Variants in LAYN observed in about 807,000 individuals in gnomAD.
LAYN encodes layilin.
In LAYN, 38 loss-of-function variants were observed where a neutral mutation model predicts 43.6. The ratio of observed to expected loss-of-function variants is 0.87; its 90% confidence interval spans 0.67 to 1.14. The LOEUF is 1.14. LAYN is among the 50% of genes most tolerant of loss of function. The pLI, the probability that LAYN is intolerant of heterozygous loss-of-function variation, is 0.00. For synonymous variants in LAYN, 168 were observed against 172.9 expected, an observed-to-expected ratio of 0.97 and a Z score of 0.22; for missense variants, 479 against 463.8, an observed-to-expected ratio of 1.03 and a Z score of -0.30.
chr11:111,549,891 C>A, intron 3 of LAYN, 116 bp downstream of exon 3: 2 of 1,086,486 alleles, frequency 1.8e-6, no homozygotes, highest in Non-Finnish European at 2.6e-6. Context: ...TTGCAAATGC[C>A]AGCAACATAA....
chr11:111,551,680 C>T (rs1867746016), intron 3 of LAYN, among the ~76,000 whole-genome samples: 1 of 152,124 alleles, frequency 6.6e-6, no homozygotes, highest in Non-Finnish European at 1.5e-5. Context: ...CCTTTCCCAG[C>T]CAACTCATTC....
At position 111,544,114 on chromosome 11, in the gene LAYN, G is replaced by A. The variant is rs1867601159; in HGVS notation, c.277G>A (p.Asp93Asn). 3.7e-6 allele frequency: 6 copies of A among 1,614,212 alleles called. No homozygotes were observed. The East Asian group carries it at 1.3e-4, about 36-fold the overall frequency. ...GTTCATTGAAAACCTCTTGCCATCT[G>A]ATGGTGACTTCTGGATTGGGCTCAG... is the stretch of plus-strand genomic sequence containing the variant. Reference protein sequence around the residue: ...EKFIENLLPSDGDFWIGLRRR... With the variant: ...EKFIENLLPSNGDFWIGLRRR... Residue 93 changes from aspartate to asparagine, a missense_variant, in exon 2 of 7, where the codon GAT becomes AAT. Asp to Asn is a conservative substitution (Grantham distance 23). Transcript: ENST00000375614.
intron 2 of LAYN, among the ~76,000 whole-genome samples, chr11:111,544,645 A>G (rs1215112799): frequency 1.3e-5 from 2 of 152,072 alleles, no homozygotes; most frequent in Non-Finnish European, 2.9e-5. Flanking sequence ...AAAAGTGGGG[A>G]CCTCAGGAAG....
upstream of LAYN, chr11:111,540,707 C>T (rs1867513155): frequency 7.4e-6 from 6 of 806,022 alleles, no homozygotes; most frequent in Non-Finnish European, 7.3e-6. Flanking sequence ...CCGCGCCCTC[C>T]CCCCCGCCTC....
At chr11:111,540,949 G>A (rs1867523904) in intron 1 of LAYN, 21 bp downstream of exon 1, 7 of 1,527,090 alleles carry the variant, frequency 4.6e-6, no homozygotes, top group Non-Finnish European at 6.1e-6. Flanking sequence ...GCGCTGGGGC[G>A]GGGGCTGGTG....
At chr11:111,551,213 C>G in intron 3 of LAYN, 1 of 390,250 alleles carries the variant, frequency 2.6e-6, no homozygotes, top group South Asian at 1.9e-5. Flanking sequence ...GGAGCTATTA[C>G]CACAAAATGC....
intron 2 of LAYN, among the ~76,000 whole-genome samples, chr11:111,544,530 G>T (rs951759062): frequency 6.6e-6 from 1 of 152,204 alleles, no homozygotes; most frequent in Non-Finnish European, 1.5e-5. Context: ...CTCATGGAGA[G>T]ACTGAAGATC....
Position 111,554,299 on chromosome 11 carries a change from T to C in LAYN, c.542-262T>C, listed in dbSNP as rs183000128. Among the ~76,000 whole-genome samples the C allele has an allele frequency of 1.3e-4, 20 of 152,302 alleles. No homozygotes were observed. In the East Asian group the frequency reaches 3.9e-3, roughly 29 times the overall value. On this transcript the variant is annotated intron_variant, in intron 3 of 6. Transcript: ENST00000375614. ...CCAGTTTTTCTACTTTTTTGTATAT[T>C]TGGAAATTATCATATTTAAACGTTT... is the stretch of plus-strand genomic sequence containing the variant.
Position 111,540,833 on chromosome 11 carries a change from C to A in LAYN, c.-11C>A, listed in dbSNP as rs1481161498. 2.6e-6 allele frequency: 4 copies of A among 1,521,792 alleles called. No individual in the cohort carries two copies. Among genetic ancestry groups the A allele is most frequent in the African/African-American group, 1.4e-5 (1 of 70,680 alleles). 94.3% of individuals were successfully genotyped at this position (1,521,792 alleles called of 1,614,324 possible). On this transcript the variant is annotated 5_prime_UTR_variant, in exon 1 of 7. Coordinates refer to ENST00000375614, the MANE Select transcript of LAYN (RefSeq NM_178834.5). ...GCGCCCGAGTGTCGGGGGGCGCACCCGAGTCGGGCCATGAGGCCGGGAACC... is the reference window on the plus strand; with the variant it reads ...GCGCCCGAGTGTCGGGGGGCGCACCAGAGTCGGGCCATGAGGCCGGGAACC...
chr11:111,545,458 G>A (rs1488777858), intron 2 of LAYN, among the ~76,000 whole-genome samples: 1 of 152,074 alleles, frequency 6.6e-6, no homozygotes, highest in East Asian at 1.9e-4. Context: ...CATCAAAATT[G>A]GGCAAGCAAA....
Position 111,557,663 on chromosome 11 carries a change from T to C in LAYN, c.761+20T>C. ...AAAAAGGCAAGTAAAACCTTCATTG[T>C]GTAAACCTTTGCATCTTCTGCTCTC... is the stretch of plus-strand genomic sequence containing the variant. On this transcript the variant is annotated intron_variant, in intron 6 of 6. Transcript: ENST00000375614. 1.3e-6 allele frequency: 2 copies of C among 1,558,038 alleles called. No homozygotes were observed. The highest frequency in any genetic ancestry group is 1.8e-6 in the Non-Finnish European group (2 of 1,129,024).
chr11:111,551,584 T>C (rs1452610438), intron 3 of LAYN, among the ~76,000 whole-genome samples: 2 of 152,118 alleles, frequency 1.3e-5, no homozygotes, highest in Admixed American at 1.3e-4. Context: ...CCACTTTAAC[T>C]CCTCTCCTCA....
At chr11:111,556,163 A>G (rs1341674545) in intron 5 of LAYN, among the ~76,000 whole-genome samples, 2 of 152,236 alleles carry the variant, frequency 1.3e-5, no homozygotes, top group Non-Finnish European at 2.9e-5. Flanking sequence ...GGAAAATAGT[A>G]TATTTATGAC....
chr11:111,557,590 C>T lies in LAYN; in HGVS notation c.708C>T (p.Leu236=). The T allele has an allele frequency of 6.2e-7, 1 of 1,614,130 alleles. No homozygotes were observed. Among genetic ancestry groups the T allele is most frequent in the South Asian group, 1.1e-5 (1 of 91,082 alleles). The part of the protein sequence containing the change: ...AYILIPSIPL[L]LLLVVTTVVC... ...TCCTAATCCCCAGCATTCCCCTTCT[C>T]CTCCTCCTTGTGGTCACCACAGTTG... The change falls in exon 6 of 7, where the codon CTC becomes CTT. Residue 236 remains leucine, a synonymous_variant. Coordinates refer to ENST00000375614, the MANE Select transcript of LAYN (RefSeq NM_178834.5).
Position 111,560,451 on chromosome 11 carries a change from G to A in LAYN, c.1118G>A (p.Gly373Asp), listed in dbSNP as rs1271296209. The change falls in exon 7 of 7, where the codon GGT (glycine) becomes GAT (aspartate). Residue 373 changes from glycine (G) to aspartate (D), a missense_variant. Coordinates refer to ENST00000375614, the MANE Select transcript of LAYN (RefSeq NM_178834.5). Reference sequence around the variant, plus strand: ...GGATGGGTGGAAAATGAAATATATGGTTATTAGGACATATAAAAAACTGAA... The same window carrying A: ...GGATGGGTGGAAAATGAAATATATGATTATTAGGACATATAAAAAACTGAA... ...ESGWVENEIY[G>D]Y 5 of 1,608,920 alleles carry A rather than the reference G, an allele frequency of 3.1e-6. No homozygotes were observed. The highest frequency in any genetic ancestry group is 4.2e-6 in the Non-Finnish European group (5 of 1,177,184).
At chr11:111,549,479 A>G (rs946215476) in intron 2 of LAYN, 139 bp from the exon 3 acceptor site, 3 of 644,910 alleles carry the variant, frequency 4.7e-6, no homozygotes, top group Non-Finnish European at 7.3e-6. Context: ...CAGTACTTCA[A>G]TTCCTACCTC....
In LAYN at chr11:111,560,261, T is replaced by C. The variant is rs1191694375; in HGVS notation, c.928T>C (p.Cys310Arg). Reference protein sequence around the residue: ...PDLKNISFRVCSGEATPDDMS... With the variant: ...PDLKNISFRVRSGEATPDDMS... Reference sequence around the variant, plus strand: ...CCTGAAGAATATTTCATTCCGAGTGTGTTCGGGAGAAGCCACTCCCGATGA... The same window carrying C: ...CCTGAAGAATATTTCATTCCGAGTGCGTTCGGGAGAAGCCACTCCCGATGA... Residue 310 changes from cysteine (C) to arginine (R), a missense_variant, in exon 7 of 7, where the codon TGT (cysteine) becomes CGT (arginine). Physicochemically the swap from Cys to Arg is radical, Grantham distance 180 (BLOSUM62 -3). Coordinates refer to ENST00000375614, the MANE Select transcript of LAYN (RefSeq NM_178834.5). 1 of 1,614,040 alleles carries C rather than the reference T, an allele frequency of 6.2e-7. No homozygotes were observed. The highest frequency in any genetic ancestry group is 1.3e-5 in the African/African-American group (1 of 74,912).
chr11:111,554,470 A>G, intron 3 of LAYN, 91 bp from the exon 4 acceptor site: 2 of 986,632 alleles, frequency 2.0e-6, no homozygotes, highest in Non-Finnish European at 3.2e-6. Flanking sequence ...TGAATCAGCA[A>G]ATAAATGGAT....
At chr11:111,552,673 T>C (rs1867764777) in intron 3 of LAYN, among the ~76,000 whole-genome samples, 1 of 152,192 alleles carries the variant, frequency 6.6e-6, no homozygotes, top group African/African-American at 2.4e-5. Flanking sequence ...GTTTTTAACT[T>C]TGCACCGTGG....
Sources: allele counts gnomAD v4.1 joint callset (sites outside exome capture counted in the v4.1 genomes callset), GRCh38; gene constraint gnomAD v4.1.1; transcripts MANE v1.5; gene names NCBI Gene and HGNC (gene_info 2026-07-23, HGNC 2026-07-21).